Variants in NHEJ1 observed in about 807,000 individuals in gnomAD.
NHEJ1 encodes the protein non-homologous end joining factor 1.
A neutral mutation model predicts 39.4 loss-of-function variants in NHEJ1; 22 were observed. That is an observed-to-expected ratio of 0.56 (90% CI 0.40 to 0.80). The LOEUF (loss-of-function observed/expected upper bound fraction) is 0.80. NHEJ1 is among the 30% of genes least tolerant of loss of function. The pLI is 0.00. For synonymous variants in NHEJ1, 154 were observed against 135.6 expected (o/e 1.14, Z -0.94); for missense variants, 329 against 357.1 (o/e 0.92, Z 0.63).
At chr2:219,116,541 A>G (rs1431842189) in intron 5 of NHEJ1, among the ~76,000 whole-genome samples, 1 of 151,964 alleles carries the variant, frequency 6.6e-6, no homozygotes, top group Non-Finnish European at 1.5e-5. Context: ...CTTTTTTTGT[A>G]GAGATGGGGT....
At chr2:219,160,453 G>C (rs934311637) in intron 1 of NHEJ1, 1 of 152,200 alleles carries the variant, frequency 6.6e-6, no homozygotes, top group Non-Finnish European at 1.5e-5. Context: ...GGCTTCAAGG[G>C]GCAACAAAGC....
intron 3 of NHEJ1, among the ~76,000 whole-genome samples, chr2:219,154,850 ATAT>A (rs977067635): frequency 1.4e-5 from 2 of 147,888 alleles, no homozygotes; most frequent in Non-Finnish European, 3.0e-5. Flanking sequence ...ACATACTTTT[ATAT>A]TATATTGTAT....
intron 5 of NHEJ1, among the ~76,000 whole-genome samples, chr2:219,078,929 T>G (rs1467318491): frequency 6.6e-6 from 1 of 152,216 alleles, no homozygotes; most frequent in East Asian, 1.9e-4. Context: ...GCATTAAAAT[T>G]TCCTGATAGG....
intron 1 of NHEJ1, chr2:219,159,059 C>A (rs561793753): frequency 6.5e-6 from 1 of 153,022 alleles, no homozygotes; most frequent in Non-Finnish European, 1.5e-5. Context: ...TGTCCAGGAG[C>A]AACAGAAAAG....
intron 5 of NHEJ1, among the ~76,000 whole-genome samples, chr2:219,130,425 C>T (rs1521133): frequency 0.5 from 76,244 of 152,000 alleles, 21,321 homozygotes; most frequent in Non-Finnish European, 0.63. Flanking sequence ...GGTATTAGGG[C>T]TCTCAAGATC....
intron 3 of NHEJ1, among the ~76,000 whole-genome samples, chr2:219,148,152 G>A (rs1374808255): frequency 2.0e-5 from 3 of 152,278 alleles, no homozygotes; most frequent in East Asian, 1.9e-4. Flanking sequence ...CCAGCCACTC[G>A]AGAGGCTGAG....
chr2:219,146,685 T>A lies in NHEJ1; in HGVS notation c.583A>T (p.Ile195Leu), dbSNP rs781612219. ...EENSFLEQFM[I>L]EKLPEACSIG... The stretch of plus-strand genomic sequence containing the variant: ...GAAAATGACAAATACCTTACCTCTA[T>A]CATAAATTGTTCCAAGAAGGAATTT... Residue 195 changes from isoleucine to leucine, a missense_variant, in exon 5 of 8, where the codon ATA becomes TTA. By Grantham distance (5) the Ile-to-Leu change is conservative (BLOSUM62 2). Transcript: ENST00000356853. 2 of 1,608,556 alleles carry A rather than the reference T, an allele frequency of 1.2e-6. No homozygotes were observed. Among genetic ancestry groups the A allele is most frequent in the Non-Finnish European group, 1.7e-6 (2 of 1,175,074 alleles).
chr2:219,140,682 C>G (rs746456580), intron 5 of NHEJ1, among the ~76,000 whole-genome samples: 10 of 152,116 alleles, frequency 6.6e-5, no homozygotes, highest in Non-Finnish European at 8.8e-5. Context: ...TCTGGGCATA[C>G]GACTGGAAGT....
intron 5 of NHEJ1, among the ~76,000 whole-genome samples, chr2:219,080,668 T>TATATATATATGCTAATATATATAAGC (rs1559185964): frequency 6.1e-5 from 1 of 16,340 alleles, no homozygotes; most frequent in Admixed American, 4.5e-4. Flanking sequence ...TATATAAGCT[T>TATATATATATGCTAATATATATAAGC]TTATATATGC....
chr2:219,113,906 A>G (rs1296964529), intron 5 of NHEJ1, among the ~76,000 whole-genome samples: 1 of 152,228 alleles, frequency 6.6e-6, no homozygotes, highest in Non-Finnish European at 1.5e-5. Flanking sequence ...CAACGCTCAC[A>G]GGAGAAGCCT....
chr2:219,158,366 CA>C lies in NHEJ1; in HGVS notation c.1-5del, dbSNP rs1559205677. 1 of 1,613,834 alleles carries C rather than the reference CA, an allele frequency of 6.2e-7. No individual in the cohort carries two copies. The highest frequency in any genetic ancestry group is 8.5e-7 in the Non-Finnish European group (1 of 1,179,992). ...GGCCTTGCTCCAGTTCTTCCATCTG[CA>C]AAAAAGTCCTCATTTAGTAAAGAGC... On this transcript the variant is annotated splice_polypyrimidine_tract_variant and splice_region_variant and intron_variant, in intron 1 of 7. Transcript: ENST00000356853.
chr2:219,093,836 A>G (rs2106329008), intron 5 of NHEJ1, among the ~76,000 whole-genome samples: 1 of 152,372 alleles, frequency 6.6e-6, no homozygotes, highest in Middle Eastern at 3.4e-3. Context: ...ACACAAATGG[A>G]AAATGAAATT....
intron 5 of NHEJ1, among the ~76,000 whole-genome samples, chr2:219,102,932 G>A (rs1411983215): frequency 3.2e-4 from 46 of 145,394 alleles, no homozygotes; most frequent in South Asian, 8.6e-4. Context: ...GTGAACCCGG[G>A]AGGCGGAGCT....
intron 5 of NHEJ1, among the ~76,000 whole-genome samples, chr2:219,091,166 C>A (rs541518834): frequency 2.0e-5 from 3 of 152,128 alleles, no homozygotes; most frequent in African/African-American, 7.2e-5. Flanking sequence ...CAGGTTTATC[C>A]CAATTCCAGC....
chr2:219,090,452 A>G (rs1391164708), intron 5 of NHEJ1, among the ~76,000 whole-genome samples: 1 of 152,272 alleles, frequency 6.6e-6, no homozygotes, highest in African/African-American at 2.4e-5. Flanking sequence ...AACTGTTATT[A>G]TTAATTCAAT....
At chr2:219,159,865 C>T (rs1427616290) in intron 1 of NHEJ1, among the ~76,000 whole-genome samples, 1 of 151,982 alleles carries the variant, frequency 6.6e-6, no homozygotes, top group Non-Finnish European at 1.5e-5. Flanking sequence ...ACTATTCTAG[C>T]CCATTCCTTC....
Position 219,147,877 on chromosome 2 carries a change from C to T in NHEJ1, c.391-82G>A, listed in dbSNP as rs1949757597. On this transcript the variant is annotated intron_variant, in intron 3 of 7. Transcript: ENST00000356853. Reference sequence around the variant, plus strand: ...CAGTATTAGGTACCAGAAAAAATACCGAAAAATAAATGTTCTTACAGAAAC... The same window carrying T: ...CAGTATTAGGTACCAGAAAAAATACTGAAAAATAAATGTTCTTACAGAAAC... 9.3e-6 allele frequency: 13 copies of T among 1,404,862 alleles called. 1 individual carries two copies. The South Asian group carries it at 1.4e-4, about 16-fold the overall frequency. 87.0% of individuals were successfully genotyped at this position (1,404,862 alleles called of 1,614,324 possible).
At chr2:219,108,414 A>G (rs575786412) in intron 5 of NHEJ1, among the ~76,000 whole-genome samples, 1 of 152,318 alleles carries the variant, frequency 6.6e-6, no homozygotes, top group South Asian at 2.1e-4. Flanking sequence ...AGTTAAGTAA[A>G]GAGCCTATGT....
Position 219,077,444 on chromosome 2 carries a change from C to T in NHEJ1, c.707-80G>A, listed in dbSNP as rs1949025164. The stretch of plus-strand genomic sequence containing the variant: ...AAGATATTAGCATTCACCAAGCATT[C>T]TGATAAAGGCCAGGGTTTGGTACAA... On this transcript the variant is annotated intron_variant, in intron 6 of 7. Coordinates refer to ENST00000356853, the MANE Select transcript of NHEJ1 (RefSeq NM_024782.3). 16 of 1,074,150 alleles carry T rather than the reference C, an allele frequency of 1.5e-5. No individual in the cohort carries two copies. In the South Asian group the frequency reaches 2.0e-4, roughly 13 times the overall value. The allele number at this position is 1,074,150 out of a possible 1,614,324, so 66.5% of individuals were successfully genotyped here.
Sources: allele counts gnomAD v4.1 joint callset (sites outside exome capture counted in the v4.1 genomes callset), GRCh38; gene constraint gnomAD v4.1.1; transcripts MANE v1.5; gene names NCBI Gene and HGNC (gene_info 2026-07-23, HGNC 2026-07-21).